Variants in SYDE2 observed in about 807,000 individuals in gnomAD.
SYDE2 encodes the protein rho GTPase-activating protein SYDE2.
A neutral mutation model predicts 91.5 loss-of-function variants in SYDE2; 76 were observed. That is an observed-to-expected ratio of 0.83 (90% CI 0.69 to 1.01). The LOEUF is 1.01. SYDE2 is among the 50% of genes least tolerant of loss of function. The pLI is 0.00. For synonymous variants in SYDE2, 513 were observed against 506.4 expected (o/e 1.01, Z -0.18); for missense variants, 1,364 against 1,367.7 (o/e 1.00, Z 0.04).
intron 3 of SYDE2, among the ~76,000 whole-genome samples, chr1:85,179,824 T>G (rs1657843657): frequency 1.4e-5 from 2 of 144,592 alleles, no homozygotes; most frequent in Admixed American, 1.4e-4. Context: ...TGTATCCCCT[T>G]AAACTTGAGA....
rs1204047857 is a variant in SYDE2 at position 85,190,453 on chromosome 1, A to C, written c.1045T>G (p.Ser349Ala). 1.2e-6 allele frequency: 2 copies of C among 1,613,832 alleles called. No homozygotes were observed. The highest frequency in any genetic ancestry group is 1.7e-6 in the Non-Finnish European group (2 of 1,179,874). The change falls in exon 2 of 7, where the codon TCA (serine) becomes GCA (alanine). Residue 349 changes from serine (S) to alanine (A), a missense_variant. Physicochemically the swap from Ser to Ala is moderately conservative, Grantham distance 99. Transcript: ENST00000341460. The stretch of plus-strand genomic sequence containing the variant: ...TCTAAAGCACAGTTTTTCGATAATG[A>C]AGAGTTTGTAGCGTTACATACCACA... ...TYVVCNATNS[S>A]LSKNCALDFN...
intron 1 of SYDE2, among the ~76,000 whole-genome samples, chr1:85,191,700 G>A (rs1658373568): frequency 6.6e-6 from 1 of 150,700 alleles, no homozygotes; most frequent in African/African-American, 2.4e-5. Context: ...GGAGGTTGTG[G>A]TGAGCCGAGA....
downstream of SYDE2, among the ~76,000 whole-genome samples, chr1:85,156,370 G>C (rs1256468625): frequency 6.7e-6 from 1 of 150,194 alleles, no homozygotes; most frequent in Admixed American, 6.7e-5. Context: ...AATATACTGA[G>C]ATCTTGTCTC....
In SYDE2 at chr1:85,182,313, G is replaced by A; in HGVS notation, c.2329C>T (p.Gln777Ter). The A allele has an allele frequency of 1.2e-6, 2 of 1,613,828 alleles. No individual in the cohort carries two copies. Among genetic ancestry groups the A allele is most frequent in the Non-Finnish European group, 1.7e-6 (2 of 1,179,836 alleles). ...PTLFRVTKTHQLAVKLEPRGL... is the reference protein window; with the variant it reads ...PTLFRVTKTH ...CTAGGTTCAAGTTTGACAGCCAACT[G>A]ATGAGTCTTTGTCACTCTAAATAAG... The change falls in exon 3 of 7, where the codon CAG (glutamine) becomes TAG (stop). Residue 777 changes from glutamine (Q) to a stop codon, truncating the protein, a stop_gained. Transcript: ENST00000341460. LOFTEE classifies it high-confidence loss of function.
At chr1:85,175,574 T>A (rs1259259020) in intron 4 of SYDE2, among the ~76,000 whole-genome samples, 1 of 152,204 alleles carries the variant, frequency 6.6e-6, no homozygotes. Context: ...GTCTGGAGTA[T>A]TTCATTCCAT....
chr1:85,196,066 T>C (rs1362011872), intron 1 of SYDE2, among the ~76,000 whole-genome samples: 1 of 152,204 alleles, frequency 6.6e-6, no homozygotes, highest in Non-Finnish European at 1.5e-5. Flanking sequence ...CTAATACTTG[T>C]TAGTTAAGCA....
At position 85,180,017 on chromosome 1, in the gene SYDE2, CTGA is replaced by C. The variant is rs1384128679; in HGVS notation, c.2545-1748_2545-1746del. ...ATATTTTAGGATATATCCCTACTTT[CTGA>C]TGATGATATCTTGAATCAAACCCTT... On this transcript the variant is annotated intron_variant, in intron 3 of 6. Coordinates refer to ENST00000341460, the MANE Select transcript of SYDE2 (RefSeq NM_032184.2). Among the ~76,000 whole-genome samples the C allele has an allele frequency of 2.6e-5, 4 of 152,246 alleles. No individual in the cohort carries two copies. The East Asian group carries it at 5.8e-4, about 22-fold the overall frequency.
At chr1:85,160,579 T>A in intron 6 of SYDE2, 1 of 985,048 alleles carries the variant, frequency 1.0e-6, no homozygotes, top group East Asian at 1.1e-4. Context: ...GCAGAATGGA[T>A]AACTGATTTT....
At chr1:85,173,024 T>C (rs1291960025) in intron 4 of SYDE2, among the ~76,000 whole-genome samples, 1 of 152,116 alleles carries the variant, frequency 6.6e-6, no homozygotes, top group Non-Finnish European at 1.5e-5. Context: ...GGGATATGGG[T>C]ACAGCACTAT....
chr1:85,190,595 C>T lies in SYDE2; in HGVS notation c.903G>A (p.Leu301=), dbSNP rs144572217. ...CTTGGCATTTCTTATTTTCTTCTTCCAGATTAAGAGGCCTCAGAGTACTCT... is the reference window on the plus strand; with the variant it reads ...CTTGGCATTTCTTATTTTCTTCTTCTAGATTAAGAGGCCTCAGAGTACTCT... ...LYQSTLRPLN[L]EEENKKCQDR... The change falls in exon 2 of 7, where the codon CTG becomes CTA. Residue 301 remains leucine, a synonymous_variant. Transcript: ENST00000341460. The T allele has an allele frequency of 1.9e-4, 299 of 1,613,866 alleles. No homozygotes were observed. The African/African-American group carries it at 3.5e-3, about 19-fold the overall frequency.
In SYDE2 at chr1:85,200,466, GC is replaced by G; in HGVS notation, c.530del (p.Gly177AlafsTer10). ...IRSGKGDRQEGPSFLRPPAVT... is the reference protein window; with the variant it reads ...IRSGKGDRQEXPSFLRPPAVT... ...CTGCCGGCGGCCTGAGGAAGGAGGG[GC>G]CTTCCTGGCGGTCTCCTTTGCCACT... On this transcript the variant is annotated frameshift_variant, in exon 1 of 7. Coordinates refer to ENST00000341460, the MANE Select transcript of SYDE2 (RefSeq NM_032184.2). LOFTEE classifies it high-confidence loss of function. 6.2e-7 allele frequency: 1 copy of G among 1,613,930 alleles called. No homozygotes were observed. Among genetic ancestry groups the G allele is most frequent in the Non-Finnish European group, 8.5e-7 (1 of 1,179,900 alleles).
chr1:85,200,761 AT>A lies in SYDE2; in HGVS notation c.235del (p.Met79CysfsTer88). 1 of 1,525,468 alleles carries A rather than the reference AT, an allele frequency of 6.6e-7. No individual in the cohort carries two copies. Among genetic ancestry groups the A allele is most frequent in the Non-Finnish European group, 8.8e-7 (1 of 1,141,368 alleles). 94.5% of individuals were successfully genotyped at this position (1,525,468 alleles called of 1,614,324 possible). The stretch of plus-strand genomic sequence containing the variant: ...GAGGCTTCTGCTGCAGGACGGCCGC[AT>A]CCGAGGAGTCCGCAGCTGGCCTCCC... The part of the protein sequence containing the change: ...PRGGQLRTPR[M>X]RPSCSRSLES... On this transcript the variant is annotated frameshift_variant, in exon 1 of 7. Coordinates refer to ENST00000341460, the MANE Select transcript of SYDE2 (RefSeq NM_032184.2). LOFTEE classifies it high-confidence loss of function.
intron 4 of SYDE2, among the ~76,000 whole-genome samples, chr1:85,172,441 T>C (rs1040610521): frequency 6.6e-6 from 1 of 151,886 alleles, no homozygotes; most frequent in African/African-American, 2.4e-5. Flanking sequence ...CCAAATAATA[T>C]TGATTTTTTT....
At chr1:85,178,830 T>A (rs561898861) in intron 3 of SYDE2, among the ~76,000 whole-genome samples, 9 of 152,020 alleles carry the variant, frequency 5.9e-5, no homozygotes, top group Non-Finnish European at 1.3e-4. Flanking sequence ...GTTTTTTTTT[T>A]AAGTTGTCAA....
chr1:85,193,767 G>A (rs903439818), intron 1 of SYDE2, among the ~76,000 whole-genome samples: 8 of 152,054 alleles, frequency 5.3e-5, no homozygotes, highest in Admixed American at 4.6e-4. Flanking sequence ...AGGACTACAG[G>A]CTTGCACCAC....
At chr1:85,155,609 A>G (rs776914832), downstream of SYDE2, among the ~76,000 whole-genome samples, 5 of 152,252 alleles carry the variant, frequency 3.3e-5, no homozygotes, top group Non-Finnish European at 7.3e-5. Context: ...ACGACTGGCT[A>G]TAAAAGAATC....
chr1:85,193,990 G>A (rs116229534), intron 1 of SYDE2, among the ~76,000 whole-genome samples: 485 of 152,056 alleles, frequency 3.2e-3, no homozygotes, highest in African/African-American at 0.011. Flanking sequence ...TGCTATTGCC[G>A]AATATTTTAA....
intron 2 of SYDE2, among the ~76,000 whole-genome samples, chr1:85,184,014 G>A (rs1411196874): frequency 6.6e-6 from 1 of 152,102 alleles, no homozygotes; most frequent in Non-Finnish European, 1.5e-5. Context: ...AAAATGCTTT[G>A]TTTTTATAAA....
Position 85,198,686 on chromosome 1 carries a change from G to A in SYDE2, c.745+1566C>T, listed in dbSNP as rs543844576. 2.0e-5 allele frequency among the ~76,000 whole-genome samples: 3 copies of A among 152,192 alleles called. No homozygotes were observed. The South Asian group carries it at 6.2e-4, about 32-fold the overall frequency. ...AAAATCCTTGAATGTTTACTACTGA[G>A]GGCATTAAAAGCCATCACATGGTAA... On this transcript the variant is annotated intron_variant, in intron 1 of 6. Transcript: ENST00000341460.
Sources: allele counts gnomAD v4.1 joint callset (sites outside exome capture counted in the v4.1 genomes callset), GRCh38; gene constraint gnomAD v4.1.1; transcripts MANE v1.5; gene names NCBI Gene and HGNC (gene_info 2026-07-23, HGNC 2026-07-21).